The following MARCHF1 variants were observed in gnomAD, a reference collection of about 807,000 sequenced individuals.
MARCHF1 encodes the protein E3 ubiquitin-protein ligase MARCHF1.
MARCHF1 carries 40 observed loss-of-function variants against 54.2 expected under a neutral mutation model. The observed-to-expected ratio is 0.74, with a 90% CI of 0.57 to 0.96. The LOEUF is 0.96. Among genes scored for constraint, MARCHF1 ranks in the 40% least tolerant of loss-of-function variants. MARCHF1 has a pLI of 0.00. For synonymous variants in MARCHF1, 236 were observed against 236.3 expected (o/e 1.00, Z 0.01); for missense variants, 586 against 656.5 (o/e 0.89, Z 1.17).
rs1482292397 is a variant in MARCHF1 at position 163,782,825 on chromosome 4, C to CTAGA, written c.111+71192_111+71195dup. On this transcript the variant is annotated intron_variant, in intron 4 of 9. Transcript: ENST00000514618. ...TATCAGGAAGAAAGAATATGAAGTA[C>CTAGA]TAGAACTAGGATTTAGAATTTTGGT... 5.9e-5 allele frequency among the ~76,000 whole-genome samples: 9 copies of CTAGA among 152,106 alleles called. No homozygotes were observed. The East Asian group carries it at 1.7e-3, about 29-fold the overall frequency.
intron 9 of MARCHF1, among the ~76,000 whole-genome samples, chr4:163,544,019 T>A (rs574177023): frequency 6.6e-6 from 1 of 152,282 alleles, no homozygotes; most frequent in South Asian, 2.1e-4. Context: ...ATGTCTGCCC[T>A]TGATTGCTAG....
chr4:164,188,914 C>G (rs997390721), intron 1 of MARCHF1: 1 of 769,394 alleles, frequency 1.3e-6, no homozygotes, highest in African/African-American at 1.7e-5. Flanking sequence ...TCAATGATGC[C>G]CAATGCGAAG....
intron 1 of MARCHF1, among the ~76,000 whole-genome samples, chr4:164,181,076 C>G (rs1418497985): frequency 2.6e-5 from 4 of 152,156 alleles, no homozygotes; most frequent in Non-Finnish European, 5.9e-5. Flanking sequence ...AAAACAAAAT[C>G]TTAGTAGGTC....
intron 4 of MARCHF1, among the ~76,000 whole-genome samples, chr4:163,832,228 T>C (rs1046885914): frequency 1.3e-5 from 2 of 152,286 alleles, no homozygotes; most frequent in South Asian, 2.1e-4. Context: ...TATGGAGATA[T>C]AGAATACGTG....
At chr4:164,111,471 T>G (rs971729932) in intron 2 of MARCHF1, 117 bp downstream of exon 2, 1 of 151,602 alleles carries the variant, frequency 6.6e-6, no homozygotes, top group Non-Finnish European at 1.5e-5. Flanking sequence ...AAAAATAAAA[T>G]CAATTAAGCC....
intron 2 of MARCHF1, among the ~76,000 whole-genome samples, chr4:164,081,491 A>G (rs1278234797): frequency 6.6e-6 from 1 of 152,246 alleles, no homozygotes; most frequent in East Asian, 1.9e-4. Context: ...CAAAGGTACA[A>G]AAGAAGCCCA....
At chr4:163,781,441 C>T (rs985292153) in intron 4 of MARCHF1, among the ~76,000 whole-genome samples, 13 of 152,050 alleles carry the variant, frequency 8.5e-5, no homozygotes, top group Admixed American at 2.0e-4. Flanking sequence ...CAATTGGTGG[C>T]GGAGGGGAGC....
intron 1 of MARCHF1, chr4:164,188,513 AAGACCGGCTGCGTGG>A (rs1731037075): frequency 1.4e-6 from 1 of 696,944 alleles, no homozygotes; most frequent in Non-Finnish European, 2.7e-6. Flanking sequence ...CTGTGTGTTC[AAGACCGGCTGCGTGG>A]AGATCACCGC....
intron 5 of MARCHF1, among the ~76,000 whole-genome samples, chr4:163,631,717 A>G (rs1478003297): frequency 1.3e-5 from 2 of 152,232 alleles, no homozygotes; most frequent in East Asian, 3.8e-4. Flanking sequence ...AACTCCTAGA[A>G]GAAAAACATA....
chr4:164,285,442 AATTT>A (rs1006746625), intron 1 of MARCHF1, among the ~76,000 whole-genome samples: 283 of 151,924 alleles, frequency 1.9e-3, no homozygotes, highest in African/African-American at 6.5e-3. Flanking sequence ...TAATTTAATT[AATTT>A]ATTTATTTAT....
chr4:164,243,191 T>C (rs1450423724), intron 1 of MARCHF1, among the ~76,000 whole-genome samples: 1 of 135,010 alleles, frequency 7.4e-6, no homozygotes, highest in African/African-American at 2.9e-5. Context: ...TTCACCAAAG[T>C]TGAAATGAAG....
intron 2 of MARCHF1, among the ~76,000 whole-genome samples, chr4:164,085,454 T>G (rs952426119): frequency 7.2e-5 from 11 of 151,820 alleles, no homozygotes; most frequent in African/African-American, 2.7e-4. Context: ...AGTGCCATAA[T>G]GAAACTAAAG....
intron 4 of MARCHF1, among the ~76,000 whole-genome samples, chr4:163,779,919 G>A (rs1188988956): frequency 6.6e-6 from 1 of 152,194 alleles, no homozygotes; most frequent in Non-Finnish European, 1.5e-5. Context: ...AGCACTTTGT[G>A]TTGTTGGCAT....
At chr4:164,028,911 TC>T (rs1297616453) in intron 2 of MARCHF1, among the ~76,000 whole-genome samples, 1 of 152,174 alleles carries the variant, frequency 6.6e-6, no homozygotes, top group Non-Finnish European at 1.5e-5. Flanking sequence ...CATATAGACT[TC>T]AGTATAATAA....
chr4:163,640,853 G>C (rs185566118), intron 5 of MARCHF1, among the ~76,000 whole-genome samples: 1 of 151,836 alleles, frequency 6.6e-6, no homozygotes, highest in African/African-American at 2.4e-5. Context: ...CCAATTATTG[G>C]TTAAGGCCAC....
chr4:164,234,138 T>C (rs551821606), intron 1 of MARCHF1, among the ~76,000 whole-genome samples: 6 of 152,272 alleles, frequency 3.9e-5, no homozygotes, highest in Admixed American at 3.9e-4. Context: ...ATGGAATTGC[T>C]ACCTATCTAA....
At chr4:164,000,222 G>T (rs1027681986) in intron 2 of MARCHF1, among the ~76,000 whole-genome samples, 16 of 151,400 alleles carry the variant, frequency 1.1e-4, no homozygotes, top group Non-Finnish European at 3.0e-5. Flanking sequence ...AGTACTAATA[G>T]GTCAAAAATA....
chr4:164,334,561 G>C (rs1023236024), intron 1 of MARCHF1, among the ~76,000 whole-genome samples: 3 of 151,634 alleles, frequency 2.0e-5, no homozygotes, highest in Admixed American at 6.6e-5. Flanking sequence ...GCTGCTCATT[G>C]ACAATGCACC....
At chr4:163,995,048 T>C (rs943012678) in intron 2 of MARCHF1, among the ~76,000 whole-genome samples, 1 of 152,052 alleles carries the variant, frequency 6.6e-6, no homozygotes, top group Non-Finnish European at 1.5e-5. Context: ...AATTCAGTTC[T>C]ACCTGGAGAT....
Sources: allele counts gnomAD v4.1 joint callset (sites outside exome capture counted in the v4.1 genomes callset), GRCh38; gene constraint gnomAD v4.1.1; transcripts MANE v1.5; gene names NCBI Gene and HGNC (gene_info 2026-07-23, HGNC 2026-07-21).